SLCO4A1: variants seen among roughly 807,000 people sequenced by gnomAD.
SLCO4A1 encodes colon organic anion transporter.
A neutral mutation model predicts 64.6 loss-of-function variants in SLCO4A1; 51 were observed. The ratio of observed to expected loss-of-function variants is 0.79; its 90% CI spans 0.63 to 1.00. SLCO4A1 has a LOEUF of 1.00. Ranked by LOEUF, SLCO4A1 falls within the 50% of genes least tolerant of loss-of-function variation. SLCO4A1 has a pLI of 0.00. For missense variants in SLCO4A1, 919 were observed against 980.5 expected (o/e 0.94, Z 0.84); for synonymous variants, 471 against 444.9 (o/e 1.06, Z -0.74).
chr20:62,643,919 G>A (rs1980856614), intron 1 of SLCO4A1, among the ~76,000 whole-genome samples: 1 of 152,194 alleles, frequency 6.6e-6, no homozygotes, highest in African/African-American at 2.4e-5. Context: ...GTAAACTGAG[G>A]CACCAAGAGG....
At position 62,656,854 on chromosome 20, in the gene SLCO4A1, CGCTATGACCTGCACA is replaced by C; in HGVS notation, c.405_419del (p.Asp136_Tyr140del). The C allele has an allele frequency of 6.2e-7, 1 of 1,602,700 alleles. No individual in the cohort carries two copies. The highest frequency in any genetic ancestry group is 8.5e-7 in the Non-Finnish European group (1 of 1,172,356). ...CACAGTCATCACCTCCCTGGAGCGC[CGCTATGACCTGCACA>C]GCTACCAGAGCGGGCTCATCGCCAG... On this transcript the variant is annotated inframe_deletion, in exon 2 of 12. Transcript: ENST00000217159.
intron 11 of SLCO4A1, among the ~76,000 whole-genome samples, chr20:62,671,539 A>C (rs577769708): frequency 8.2e-6 from 1 of 122,198 alleles, no homozygotes; most frequent in South Asian, 2.8e-4. Context: ...TTTTAGTCAA[A>C]GGGTGTGTTT....
At position 62,656,889 on chromosome 20, in the gene SLCO4A1, C is replaced by T. The variant is rs771551667; in HGVS notation, c.435C>T (p.Ile145=). 22 of 1,579,616 alleles carry T rather than the reference C, an allele frequency of 1.4e-5. No individual in the cohort carries two copies. Among genetic ancestry groups the T allele is most frequent in the African/African-American group, 1.2e-4 (9 of 74,502 alleles). ...YDLHSYQSGL[I]ASSYDIAACL... ...TGCACAGCTACCAGAGCGGGCTCAT[C>T]GCCAGCTCCTACGACATTGCCGCCT... is the stretch of plus-strand genomic sequence containing the variant. The change falls in exon 2 of 12, where the codon ATC becomes ATT. Residue 145 remains isoleucine (I), a synonymous_variant. Coordinates refer to ENST00000217159, the MANE Select transcript of SLCO4A1 (RefSeq NM_016354.4).
chr20:62,660,894 G>T (rs1984659940), intron 4 of SLCO4A1, among the ~76,000 whole-genome samples, 170 bp from the exon 5 acceptor site: 1 of 152,094 alleles, frequency 6.6e-6, no homozygotes, highest in African/African-American at 2.4e-5. Flanking sequence ...ATTCTCACGT[G>T]GTTTCTGTTC....
chr20:62,654,847 A>C (rs1983345501), intron 1 of SLCO4A1, among the ~76,000 whole-genome samples: 1 of 152,130 alleles, frequency 6.6e-6, no homozygotes, highest in Non-Finnish European at 1.5e-5. Flanking sequence ...GCCCTCTCTT[A>C]CTGCTGAGGA....
In SLCO4A1 at chr20:62,668,914, G is replaced by A. The variant is rs774773473; in HGVS notation, c.1877-16G>A. 2 of 1,598,844 alleles carry A rather than the reference G, an allele frequency of 1.3e-6. No homozygotes were observed. Among genetic ancestry groups the A allele is most frequent in the African/African-American group, 2.7e-5 (2 of 74,834 alleles). On this transcript the variant is annotated splice_polypyrimidine_tract_variant and intron_variant, in intron 10 of 11. Transcript: ENST00000217159. ...CCCACCAGGAGTGTGGGTGCTGAGT[G>A]GGCTTCTCTCCGCAGGGGGCATCCC... is the stretch of plus-strand genomic sequence containing the variant.
chr20:62,646,283 C>T (rs1981313924), intron 1 of SLCO4A1, among the ~76,000 whole-genome samples: 2 of 152,206 alleles, frequency 1.3e-5, no homozygotes, highest in Admixed American at 6.5e-5. Flanking sequence ...GCCTCCTCAC[C>T]TTCACCCTCA....
chr20:62,676,957 T>C (rs1181244877), downstream of SLCO4A1, among the ~76,000 whole-genome samples: 1 of 152,174 alleles, frequency 6.6e-6, no homozygotes, highest in African/African-American at 2.4e-5. Flanking sequence ...TGCTTGGCCG[T>C]CAATCAGAAA....
At chr20:62,653,713 C>T (rs1251394496) in intron 1 of SLCO4A1, among the ~76,000 whole-genome samples, 9 of 152,250 alleles carry the variant, frequency 5.9e-5, no homozygotes, top group African/African-American at 2.2e-4. Context: ...AATTCGGGGG[C>T]ATATGTGACA....
chr20:62,678,713 C>T (rs1040498893), intron 2 of SLCO4A1, among the ~76,000 whole-genome samples: 1 of 149,638 alleles, frequency 6.7e-6, no homozygotes, highest in Non-Finnish European at 1.5e-5. Flanking sequence ...GTCGTACAGC[C>T]ACACGATAGA....
chr20:62,676,674 A>G (rs1049570542), downstream of SLCO4A1, among the ~76,000 whole-genome samples: 2 of 152,228 alleles, frequency 1.3e-5, no homozygotes, highest in Non-Finnish European at 2.9e-5. Context: ...ATCCTCACAC[A>G]CTATGGGTGG....
chr20:62,679,222 A>G (rs1684592500), intron 2 of SLCO4A1, among the ~76,000 whole-genome samples: 1 of 152,118 alleles, frequency 6.6e-6, no homozygotes, highest in African/African-American at 2.4e-5. Context: ...AAACAACAAA[A>G]AAGTAGCATG....
chr20:62,669,298 C>T (rs1986911835), intron 11 of SLCO4A1, among the ~76,000 whole-genome samples: 1 of 152,240 alleles, frequency 6.6e-6, no homozygotes, highest in African/African-American at 2.4e-5. Context: ...TCCAGGCCCC[C>T]AGCAGCTCCA....
intron 4 of SLCO4A1, 103 bp downstream of exon 4, chr20:62,660,636 A>T (rs1214726977): frequency 1.5e-6 from 2 of 1,365,032 alleles, no homozygotes; most frequent in Admixed American, 1.7e-5. Context: ...CCCCGCCATG[A>T]TCAAGTCTGC....
chr20:62,667,097 G>A (rs191717406), intron 7 of SLCO4A1, among the ~76,000 whole-genome samples: 5 of 152,380 alleles, frequency 3.3e-5, no homozygotes, highest in South Asian at 4.1e-4. Flanking sequence ...CAAAGCAGCC[G>A]TTGTGGCATT....
intron 2 of SLCO4A1, among the ~76,000 whole-genome samples, chr20:62,680,211 C>T (rs764286956): frequency 5.3e-5 from 8 of 152,190 alleles, no homozygotes; most frequent in South Asian, 2.1e-4. Flanking sequence ...GGTTGAGTCC[C>T]GTGTGCTGAC....
Position 62,658,403 on chromosome 20 carries a change from C to T in SLCO4A1, c.797-274C>T, listed in dbSNP as rs931421342. ...GTGTCCATCTGTGCGGCTACTTAGA[C>T]GCCCTGCAAACGGGGCTTCGAGGGC... is the stretch of plus-strand genomic sequence containing the variant. On this transcript the variant is annotated intron_variant, in intron 2 of 11. Coordinates refer to ENST00000217159, the MANE Select transcript of SLCO4A1 (RefSeq NM_016354.4). Among the ~76,000 whole-genome samples the T allele has an allele frequency of 2.0e-5, 3 of 152,372 alleles. 1 individual carries two copies. Among genetic ancestry groups the T allele is most frequent in the African/African-American group, 7.2e-5 (3 of 41,590 alleles).
chr20:62,657,337 G>GC, intron 2 of SLCO4A1, 87 bp downstream of exon 2: 2 of 1,250,844 alleles, frequency 1.6e-6, no homozygotes, highest in Non-Finnish European at 1.1e-6. Context: ...AGCCAGCCCC[G>GC]CCCCCTGCCT....
At chr20:62,655,692 A>G (rs1377502215) in intron 1 of SLCO4A1, among the ~76,000 whole-genome samples, 1 of 152,150 alleles carries the variant, frequency 6.6e-6, no homozygotes, top group Non-Finnish European at 1.5e-5. Flanking sequence ...CCACAGGCTG[A>G]CCCAGCAGCG....
Sources: allele counts gnomAD v4.1 joint callset (sites outside exome capture counted in the v4.1 genomes callset), GRCh38; gene constraint gnomAD v4.1.1; transcripts MANE v1.5; gene names NCBI Gene and HGNC (gene_info 2026-07-23, HGNC 2026-07-21).